Variants in TPD52L2 observed in about 807,000 individuals in gnomAD.
TPD52L2 encodes the protein TPD52 like 2.
In TPD52L2, 19 loss-of-function variants were observed where a neutral mutation model predicts 24.7. The ratio of observed to expected loss-of-function variants is 0.77; its 90% CI spans 0.54 to 1.13. TPD52L2 has a LOEUF of 1.13. TPD52L2 is among the 50% of genes most tolerant of loss of function. The pLI is 0.00. For synonymous variants in TPD52L2, 104 were observed against 100.2 expected, an observed-to-expected ratio of 1.04 and a Z score of -0.23; for missense variants, 236 against 250.4, an observed-to-expected ratio of 0.94 and a Z score of 0.39.
chr20:63,867,211 C>T (rs1258183012), intron 1 of TPD52L2, among the ~76,000 whole-genome samples: 1 of 152,164 alleles, frequency 6.6e-6, no homozygotes, highest in Admixed American at 6.6e-5. Flanking sequence ...GCCTTGGCCT[C>T]CAAAAGTGCT....
intron 1 of TPD52L2, among the ~76,000 whole-genome samples, chr20:63,867,563 TA>T (rs777112231): frequency 0.03 from 4,133 of 136,770 alleles, 105 homozygotes; most frequent in African/African-American, 0.072. Flanking sequence ...AAGACTCGTC[TA>T]AAAAAAAAAA....
chr20:63,883,446 A>G (rs894510847), intron 5 of TPD52L2, among the ~76,000 whole-genome samples: 7 of 152,200 alleles, frequency 4.6e-5, no homozygotes, highest in Non-Finnish European at 1.0e-4. Flanking sequence ...GGATTGAGCC[A>G]GAAGCCTGGG....
At chr20:63,867,068 C>T (rs1292509830) in intron 1 of TPD52L2, among the ~76,000 whole-genome samples, 2 of 151,788 alleles carry the variant, frequency 1.3e-5, no homozygotes, top group Non-Finnish European at 2.9e-5. Context: ...ATTCTCCTGC[C>T]TCAGCCTCCC....
At chr20:63,869,270 T>G (rs1050624631) in intron 1 of TPD52L2, 26 bp from the exon 2 acceptor site, 1 of 1,613,362 alleles carries the variant, frequency 6.2e-7, no homozygotes, top group Non-Finnish European at 8.5e-7. Flanking sequence ...ATTTGACACT[T>G]TGTGGCCTCA....
At chr20:63,875,977 G>A in intron 4 of TPD52L2, 102 bp downstream of exon 4, 1 of 1,178,830 alleles carries the variant, frequency 8.5e-7, no homozygotes, top group Non-Finnish European at 1.2e-6. Flanking sequence ...GCTTGTTTTG[G>A]TATTTGCTGG....
chr20:63,875,594 C>T (rs2236149), intron 3 of TPD52L2, among the ~76,000 whole-genome samples: 6,319 of 152,254 alleles, frequency 0.042, 303 homozygotes, highest in East Asian at 0.2. Flanking sequence ...TGCCAGGTGA[C>T]AGAAAAGGGA....
At chr20:63,881,555 G>A (rs2052899789) in intron 4 of TPD52L2, among the ~76,000 whole-genome samples, 2 of 152,302 alleles carry the variant, frequency 1.3e-5, no homozygotes, top group Middle Eastern at 3.4e-3. Context: ...GGGCCTGTGA[G>A]TAAGGGCTCC....
chr20:63,885,345 C>T (rs540018833), intron 5 of TPD52L2, among the ~76,000 whole-genome samples: 15 of 152,360 alleles, frequency 9.8e-5, no homozygotes, highest in South Asian at 8.3e-4. Context: ...GATGAGGCAT[C>T]GGCCCTCTCA....
intron 3 of TPD52L2, 92 bp from the exon 4 acceptor site, chr20:63,875,724 C>T: frequency 7.6e-7 from 1 of 1,322,858 alleles, no homozygotes; most frequent in Non-Finnish European, 1.1e-6. Context: ...CCAGCTGGTC[C>T]CTCTCTGTCT....
In TPD52L2 at chr20:63,873,824, C is replaced by T. The variant is rs1442881706; in HGVS notation, c.314+8C>T. Reference sequence around the variant, plus strand: ...CGTGCAGGTCTCTAGCGCGTAGGTACCTGCCCCAGGCGCACCCCTGGGGGC... The same window carrying T: ...CGTGCAGGTCTCTAGCGCGTAGGTATCTGCCCCAGGCGCACCCCTGGGGGC... On this transcript the variant is annotated splice_region_variant and intron_variant, in intron 3 of 6. Coordinates refer to ENST00000346249, the MANE Select transcript of TPD52L2 (RefSeq NM_003288.4). 4 of 1,519,222 alleles carry T rather than the reference C, an allele frequency of 2.6e-6. No homozygotes were observed. Among genetic ancestry groups the T allele is most frequent in the African/African-American group, 1.4e-5 (1 of 70,972 alleles). The allele number at this position is 1,519,222 out of a possible 1,614,324, so 94.1% of individuals were successfully genotyped here.
At chr20:63,889,824 C>G in intron 6 of TPD52L2, 26 bp from the exon 7 acceptor site, 1 of 1,607,300 alleles carries the variant, frequency 6.2e-7, no homozygotes, top group Non-Finnish European at 8.5e-7. Flanking sequence ...TCAGGTTTTT[C>G]TGTCTTCATC....
rs573638721 is a variant in TPD52L2 at position 63,881,031 on chromosome 20, A to G, written c.375-1688A>G. Reference sequence around the variant, plus strand: ...CAGCTGCACGGAGCCTGGATGGGAAAGTGCATCCTCTGGGCTGAGCACGGT... The same window carrying G: ...CAGCTGCACGGAGCCTGGATGGGAAGGTGCATCCTCTGGGCTGAGCACGGT... On this transcript the variant is annotated intron_variant, in intron 4 of 6. Transcript: ENST00000346249. Among the ~76,000 whole-genome samples the G allele has an allele frequency of 9.2e-5, 14 of 152,292 alleles. No individual in the cohort carries two copies. The South Asian group carries it at 2.7e-3, about 29-fold the overall frequency.
chr20:63,873,592 C>G, intron 2 of TPD52L2, 76 bp from the exon 3 acceptor site: 1 of 1,528,318 alleles, frequency 6.5e-7, no homozygotes, highest in Non-Finnish European at 8.9e-7. Flanking sequence ...TTGTGTAACT[C>G]ATGGCACTGT....
At chr20:63,878,365 T>C (rs1189522275) in intron 4 of TPD52L2, among the ~76,000 whole-genome samples, 1 of 152,194 alleles carries the variant, frequency 6.6e-6, no homozygotes, top group East Asian at 1.9e-4. Context: ...TGCATTCTAT[T>C]TATAGGCAGA....
chr20:63,881,408 G>A (rs192498666), intron 4 of TPD52L2, among the ~76,000 whole-genome samples: 7 of 152,112 alleles, frequency 4.6e-5, no homozygotes, highest in Admixed American at 2.0e-4. Flanking sequence ...GCCTTGGGCC[G>A]GGGGCGGGCA....
At chr20:63,866,944 G>T (rs2052268637) in intron 1 of TPD52L2, among the ~76,000 whole-genome samples, 1 of 150,886 alleles carries the variant, frequency 6.6e-6, no homozygotes, top group African/African-American at 2.4e-5. Flanking sequence ...CAGGTTAATT[G>T]GTCTTTCTAC....
At chr20:63,881,770 A>G (rs1296097426) in intron 4 of TPD52L2, among the ~76,000 whole-genome samples, 1 of 152,182 alleles carries the variant, frequency 6.6e-6, no homozygotes, top group Non-Finnish European at 1.5e-5. Context: ...AGGAGCCGTG[A>G]TAAGGTGGCT....
chr20:63,866,294 A>G (rs566705490), intron 1 of TPD52L2, among the ~76,000 whole-genome samples: 1 of 152,038 alleles, frequency 6.6e-6, no homozygotes, highest in Admixed American at 6.6e-5. Flanking sequence ...TAGTAGAGGC[A>G]GGGTTTCACC....
At chr20:63,866,635 G>A (rs187631495) in intron 1 of TPD52L2, among the ~76,000 whole-genome samples, 3 of 150,384 alleles carry the variant, frequency 2.0e-5, no homozygotes, top group African/African-American at 7.4e-5. Context: ...CTAATTTTTT[G>A]TATCTTTAGT....
Sources: gnomAD v4.1 joint callset for allele counts (sites outside exome capture counted in the v4.1 genomes callset) on GRCh38, gnomAD v4.1.1 for gene constraint, MANE v1.5 for transcripts, NCBI Gene and HGNC (gene_info 2026-07-23, HGNC 2026-07-21) for gene names.